Variants in CPNE4 observed in about 807,000 individuals in gnomAD.
The protein encoded by CPNE4 is copine 4.
In CPNE4, 25 loss-of-function variants were observed where a neutral mutation model predicts 67.9. The ratio of observed to expected loss-of-function variants is 0.37; its 90% CI spans 0.27 to 0.51. CPNE4 has a LOEUF of 0.51. Ranked by LOEUF, CPNE4 falls within the 20% of genes least tolerant of loss-of-function variation. The probability of loss-of-function intolerance (pLI) is 0.93; values close to 1 mark genes in which losing one functional copy is unlikely to be tolerated. For synonymous variants in CPNE4, 242 were observed against 244.9 expected, an observed-to-expected ratio of 0.99 and a Z score of 0.11; for missense variants, 464 against 690.8, an observed-to-expected ratio of 0.67 and a Z score of 3.68.
intron 2 of CPNE4, among the ~76,000 whole-genome samples, chr3:131,773,502 C>T (rs893258633): frequency 5.9e-5 from 9 of 152,140 alleles, no homozygotes; most frequent in Middle Eastern, 3.4e-3. Context: ...TGTGTGCCAC[C>T]ATGCCCGGCT....
chr3:131,661,716 G>C (rs568876724), intron 7 of CPNE4, among the ~76,000 whole-genome samples: 1 of 152,212 alleles, frequency 6.6e-6, no homozygotes, highest in South Asian at 2.1e-4. Flanking sequence ...AATCTGACCA[G>C]ATCTCCAGAA....
At chr3:131,818,175 C>G (rs549380316) in intron 2 of CPNE4, among the ~76,000 whole-genome samples, 10 of 152,246 alleles carry the variant, frequency 6.6e-5, no homozygotes, top group Non-Finnish European at 1.5e-4. Flanking sequence ...AAACACAAAA[C>G]TGCTTTATTA....
chr3:131,843,725 G>T (rs1309312399), intron 2 of CPNE4, among the ~76,000 whole-genome samples: 2 of 152,172 alleles, frequency 1.3e-5, no homozygotes, highest in African/African-American at 4.8e-5. Flanking sequence ...CTCCCTTGCA[G>T]GGTTCCTATG....
At chr3:131,998,600 A>G (rs1189829896) in intron 1 of CPNE4, among the ~76,000 whole-genome samples, 1 of 152,108 alleles carries the variant, frequency 6.6e-6, no homozygotes, top group South Asian at 2.1e-4. Context: ...GAAAGAAAAC[A>G]TTTTTCAGAG....
intron 7 of CPNE4, among the ~76,000 whole-genome samples, chr3:131,651,633 A>G (rs922947848): frequency 4.6e-5 from 7 of 152,148 alleles, no homozygotes; most frequent in Non-Finnish European, 1.0e-4. Context: ...GAGGTCTGCA[A>G]ATATTCAGGA....
At chr3:131,542,951 T>G (rs1258304004) in intron 14 of CPNE4, 158 bp from the exon 15 acceptor site, 1 of 603,372 alleles carries the variant, frequency 1.7e-6, no homozygotes, top group Non-Finnish European at 3.0e-6. Context: ...TCCTAAAGGC[T>G]TAGGGTTCTG....
intron 2 of CPNE4, among the ~76,000 whole-genome samples, chr3:131,771,499 G>A (rs1018779014): frequency 6.6e-6 from 1 of 151,976 alleles, no homozygotes; most frequent in African/African-American, 2.4e-5. Flanking sequence ...AGAGCTGATT[G>A]TTAAAAGGCC....
intron 1 of CPNE4, among the ~76,000 whole-genome samples, chr3:131,943,538 T>G (rs1045626815): frequency 6.6e-6 from 1 of 152,102 alleles, no homozygotes; most frequent in East Asian, 1.9e-4. Flanking sequence ...TTATTATTAC[T>G]TCTTATTCAA....
chr3:131,785,366 C>T (rs2083530616), intron 2 of CPNE4, among the ~76,000 whole-genome samples: 1 of 152,076 alleles, frequency 6.6e-6, no homozygotes, highest in Admixed American at 6.6e-5. Context: ...CTTCCAGATA[C>T]CGGCTTCATT....
intron 1 of CPNE4, among the ~76,000 whole-genome samples, chr3:132,031,852 G>C (rs2074243080): frequency 6.6e-6 from 1 of 151,770 alleles, no homozygotes; most frequent in Non-Finnish European, 1.5e-5. Flanking sequence ...TAACCTCAAG[G>C]TTTTAAGTCA....
chr3:131,892,338 A>G (rs1560550425), intron 2 of CPNE4, among the ~76,000 whole-genome samples: 1 of 152,146 alleles, frequency 6.6e-6, no homozygotes, highest in Non-Finnish European at 1.5e-5. Flanking sequence ...CAGAAATGCT[A>G]TTCTTCAGAA....
At chr3:131,776,209 G>C (rs898801479) in intron 2 of CPNE4, among the ~76,000 whole-genome samples, 3 of 137,094 alleles carry the variant, frequency 2.2e-5, no homozygotes, top group African/African-American at 7.5e-5. Context: ...TACTCAGTTG[G>C]TGGTGGTATA....
chr3:131,790,229 G>T (rs750329076), intron 2 of CPNE4, among the ~76,000 whole-genome samples: 7 of 152,116 alleles, frequency 4.6e-5, no homozygotes, highest in Non-Finnish European at 7.4e-5. Flanking sequence ...CCCTGGGTTG[G>T]TTTGACCTTT....
chr3:131,564,428 C>A, intron 10 of CPNE4, 79 bp from the exon 11 acceptor site: 1 of 1,405,032 alleles, frequency 7.1e-7, no homozygotes, highest in Non-Finnish European at 9.7e-7. Flanking sequence ...ATGAGAGAGA[C>A]CTGGCCTCGG....
At chr3:131,932,058 A>G (rs1583471504) in intron 1 of CPNE4, among the ~76,000 whole-genome samples, 1 of 152,300 alleles carries the variant, frequency 6.6e-6, no homozygotes, top group Middle Eastern at 3.4e-3. Context: ...CAGTCAGGGG[A>G]CAGGAAAATT....
intron 1 of CPNE4, among the ~76,000 whole-genome samples, chr3:132,025,941 T>C (rs1394120655): frequency 6.6e-6 from 1 of 152,198 alleles, no homozygotes; most frequent in East Asian, 1.9e-4. Flanking sequence ...ATGCGTAAAG[T>C]ACAACACACA....
At chr3:131,667,822 T>C (rs2080303935) in intron 7 of CPNE4, among the ~76,000 whole-genome samples, 2 of 152,140 alleles carry the variant, frequency 1.3e-5, no homozygotes, top group Admixed American at 1.3e-4. Context: ...TCTCCTTTTA[T>C]CCTCCTCATA....
intron 2 of CPNE4, among the ~76,000 whole-genome samples, chr3:131,785,655 C>CTCTCTCTT (rs763146313): frequency 0.021 from 2,743 of 130,468 alleles, 104 homozygotes; most frequent in African/African-American, 0.071. Context: ...AGCACTCTCT[C>CTCTCTCTT]TCTCTCTTTC....
chr3:131,707,085 T>C (rs997758393), intron 3 of CPNE4, among the ~76,000 whole-genome samples: 1 of 152,208 alleles, frequency 6.6e-6, no homozygotes, highest in Non-Finnish European at 1.5e-5. Context: ...CTTCAAATAT[T>C]TTACATAGTT....
Sources: gnomAD v4.1 joint callset for allele counts (sites outside exome capture counted in the v4.1 genomes callset) on GRCh38, gnomAD v4.1.1 for gene constraint, MANE v1.5 for transcripts, NCBI Gene and HGNC (gene_info 2026-07-23, HGNC 2026-07-21) for gene names.